CNTN3: variants seen among roughly 807,000 people sequenced by gnomAD.
CNTN3 encodes the protein contactin 3.
CNTN3 carries 60 observed loss-of-function variants against 119.1 expected under a neutral mutation model. That is an observed-to-expected ratio of 0.50 (90% CI 0.41 to 0.62). CNTN3 has a LOEUF of 0.62. CNTN3 is among the 20% of genes least tolerant of loss of function. The pLI, the probability that CNTN3 is intolerant of heterozygous loss-of-function variation, is 0.00. For synonymous variants in CNTN3, 450 were observed against 438.7 expected (o/e 1.03, Z -0.32); for missense variants, 1,101 against 1,242.4 (o/e 0.89, Z 1.71).
chr3:74,459,899 T>C (rs999689282), intron 4 of CNTN3, among the ~76,000 whole-genome samples: 1 of 152,076 alleles, frequency 6.6e-6, no homozygotes, highest in Non-Finnish European at 1.5e-5. Context: ...GAATTATTTA[T>C]AACATCTGTA....
intron 5 of CNTN3, among the ~76,000 whole-genome samples, chr3:74,388,227 T>C (rs531864558): frequency 2.6e-5 from 4 of 152,212 alleles, no homozygotes; most frequent in African/African-American, 7.2e-5. Flanking sequence ...ATGATAAATA[T>C]AAAAATGTAC....
intron 11 of CNTN3, among the ~76,000 whole-genome samples, chr3:74,338,361 TTTTG>T: frequency 6.6e-6 from 1 of 152,178 alleles, no homozygotes; most frequent in African/African-American, 2.4e-5. Flanking sequence ...ATAAGATAGA[TTTTG>T]TTTTATTTAT....
intron 1 of CNTN3, among the ~76,000 whole-genome samples, chr3:74,568,566 G>A (rs1704261314): frequency 1.3e-5 from 2 of 152,170 alleles, no homozygotes; most frequent in African/African-American, 2.4e-5. Context: ...TTTTCAAGAT[G>A]CTCAGAGTAA....
chr3:74,352,687 T>C (rs527941298), intron 11 of CNTN3, among the ~76,000 whole-genome samples: 1 of 152,304 alleles, frequency 6.6e-6, no homozygotes, highest in East Asian at 1.9e-4. Flanking sequence ...GAAAACAACA[T>C]GGAGTACCTT....
chr3:74,350,846 C>T lies in CNTN3; in HGVS notation c.1364+11044G>A, dbSNP rs193162598. Among the ~76,000 whole-genome samples, 54 of 152,132 alleles carry T rather than the reference C, an allele frequency of 3.5e-4. No individual in the cohort carries two copies. The East Asian group carries it at 8.5e-3, about 24-fold the overall frequency. Reference sequence around the variant, plus strand: ...CACAAAATAAAAAAAAAAGCACATTCTCCCTTATAAAGTGGGAGCTAAACA... The same window carrying T: ...CACAAAATAAAAAAAAAAGCACATTTTCCCTTATAAAGTGGGAGCTAAACA... On this transcript the variant is annotated intron_variant, in intron 11 of 22. Coordinates refer to ENST00000263665, the MANE Select transcript of CNTN3 (RefSeq NM_020872.3).
chr3:74,293,764 C>T (rs1702280929), intron 19 of CNTN3, among the ~76,000 whole-genome samples: 1 of 152,192 alleles, frequency 6.6e-6, no homozygotes, highest in South Asian at 2.1e-4. Context: ...CGCAAGCCAC[C>T]ACACCTGGCT....
At position 74,583,085 on chromosome 3, in the gene CNTN3, C is replaced by T. The variant is rs370882404; in HGVS notation, c.-81+31306G>A. ...AAAAATAGTTTAGAATGGGCTATTT[C>T]GAGTAATTCTAACAGGCTCTGGGGC... On this transcript the variant is annotated intron_variant, in intron 1 of 22. Transcript: ENST00000263665. Among the ~76,000 whole-genome samples, 7 of 151,946 alleles carry T rather than the reference C, an allele frequency of 4.6e-5. No individual in the cohort carries two copies. In the South Asian group the frequency reaches 6.2e-4, roughly 14 times the overall value.
At chr3:74,597,212 C>G (rs143924072) in intron 1 of CNTN3, among the ~76,000 whole-genome samples, 138 of 152,158 alleles carry the variant, frequency 9.1e-4, no homozygotes, top group African/African-American at 3.2e-3. Flanking sequence ...AGTTCTAAAA[C>G]AGAAAATCAT....
intron 1 of CNTN3, among the ~76,000 whole-genome samples, chr3:74,598,681 T>C (rs1202144742): frequency 6.6e-6 from 1 of 151,966 alleles, no homozygotes; most frequent in Non-Finnish European, 1.5e-5. Context: ...AAAAAATCAA[T>C]GAAAAATACT....
chr3:74,532,219 A>G (rs763148058), intron 1 of CNTN3, among the ~76,000 whole-genome samples: 1 of 151,962 alleles, frequency 6.6e-6, no homozygotes, highest in Non-Finnish European at 1.5e-5. Context: ...TATTCTTTCA[A>G]TAAGTGAGAA....
At chr3:74,283,480 T>G (rs946615993) in intron 20 of CNTN3, among the ~76,000 whole-genome samples, 3 of 152,158 alleles carry the variant, frequency 2.0e-5, no homozygotes, top group Non-Finnish European at 4.4e-5. Flanking sequence ...TTTTTAAAAT[T>G]TTCATTCATT....
intron 19 of CNTN3, among the ~76,000 whole-genome samples, chr3:74,293,199 G>T (rs950638991): frequency 6.6e-6 from 1 of 152,136 alleles, no homozygotes; most frequent in African/African-American, 2.4e-5. Context: ...AGAGCTGTGG[G>T]AGCTCAATTT....
intron 4 of CNTN3, among the ~76,000 whole-genome samples, chr3:74,447,086 G>A (rs11128386): frequency 0.19 from 29,513 of 152,036 alleles, 3,471 homozygotes; most frequent in East Asian, 0.46. Flanking sequence ...AATGAGGAGC[G>A]CCTGACAATG....
At chr3:74,455,671 T>G (rs908893197) in intron 4 of CNTN3, among the ~76,000 whole-genome samples, 2 of 151,698 alleles carry the variant, frequency 1.3e-5, no homozygotes, top group African/African-American at 2.4e-5. Context: ...TGTACAGATG[T>G]TTTTTTTGGT....
intron 5 of CNTN3, among the ~76,000 whole-genome samples, chr3:74,421,524 A>G (rs2106890836): frequency 6.6e-6 from 1 of 152,320 alleles, no homozygotes; most frequent in Middle Eastern, 3.4e-3. Flanking sequence ...TTAGGCTGAT[A>G]TAAGAGGAAA....
intron 20 of CNTN3, among the ~76,000 whole-genome samples, chr3:74,280,122 T>A (rs1701972422): frequency 6.6e-6 from 1 of 152,038 alleles, no homozygotes; most frequent in South Asian, 2.1e-4. Context: ...TCTCATGTAC[T>A]CCTTAAATAT....
chr3:74,505,414 G>A (rs1203809447), intron 2 of CNTN3, among the ~76,000 whole-genome samples: 2 of 151,746 alleles, frequency 1.3e-5, no homozygotes, highest in Admixed American at 1.3e-4. Flanking sequence ...GAACTACTGC[G>A]ACCAAGTGGA....
chr3:74,447,863 T>C (rs1702077178), intron 4 of CNTN3, among the ~76,000 whole-genome samples: 1 of 152,118 alleles, frequency 6.6e-6, no homozygotes, highest in Non-Finnish European at 1.5e-5. Flanking sequence ...GAACCATTTT[T>C]AAATAAGCAG....
intron 5 of CNTN3, among the ~76,000 whole-genome samples, chr3:74,408,899 G>T (rs1701389785): frequency 6.6e-6 from 1 of 152,052 alleles, no homozygotes; most frequent in Admixed American, 6.6e-5. Context: ...TATCCTTCTG[G>T]AACTAACATA....
Sources: gnomAD v4.1 joint callset for allele counts (sites outside exome capture counted in the v4.1 genomes callset) on GRCh38, gnomAD v4.1.1 for gene constraint, MANE v1.5 for transcripts, NCBI Gene and HGNC (gene_info 2026-07-23, HGNC 2026-07-21) for gene names.